Variants in CAMTA1 observed in about 807,000 individuals in gnomAD.
The protein encoded by CAMTA1 is calmodulin binding transcription activator 1, also known as calmodulin-binding transcription activator 1.
CAMTA1 carries 27 observed loss-of-function variants against 170.9 expected under a neutral mutation model. The ratio of observed to expected loss-of-function variants is 0.16; its 90% CI spans 0.12 to 0.22. The LOEUF (loss-of-function observed/expected upper bound fraction) is 0.22, where lower values mean the gene tolerates loss of function less well. Ranked by LOEUF, CAMTA1 falls within the 10% of genes least tolerant of loss-of-function variation. The pLI is 1.00. For missense variants in CAMTA1, 1,619 were observed against 2,217.2 expected (o/e 0.73, Z 5.42); for synonymous variants, 833 against 891.5 (o/e 0.93, Z 1.17).
At chr1:7,278,929 A>G (rs755785787) in intron 5 of CAMTA1, among the ~76,000 whole-genome samples, 1 of 152,182 alleles carries the variant, frequency 6.6e-6, no homozygotes, top group Non-Finnish European at 1.5e-5. Flanking sequence ...GGGATCAGAG[A>G]GAGAAGCTCT....
chr1:6,865,094 C>T (rs1351943357), intron 3 of CAMTA1, among the ~76,000 whole-genome samples: 1 of 152,148 alleles, frequency 6.6e-6, no homozygotes, highest in Non-Finnish European at 1.5e-5. Context: ...TGTGAGCCAC[C>T]GTGCCCAGCC....
rs187794650 is a variant in CAMTA1 at position 7,248,686 on chromosome 1, C to T, written c.303-805C>T. ...TGACCACCGCATCTGCAGATATGCA[C>T]GTCATCAGCCTCTCCTCTCTGTGGT... On this transcript the variant is annotated intron_variant, in intron 4 of 22. Transcript: ENST00000303635. This position sits in a 1 kb window ranked among gnomAD's most constrained non-coding sequence, Gnocchi z 4.0. Among the ~76,000 whole-genome samples, 165 of 152,238 alleles carry T rather than the reference C, an allele frequency of 1.1e-3. 1 individual carries two copies. Among genetic ancestry groups the T allele is most frequent in the Non-Finnish European group, 2.0e-3 (137 of 68,020 alleles).
At chr1:7,619,376 G>A (rs568276570) in intron 6 of CAMTA1, among the ~76,000 whole-genome samples, 34 of 152,290 alleles carry the variant, frequency 2.2e-4, no homozygotes, top group East Asian at 1.4e-3. Flanking sequence ...TGCTGGCTTC[G>A]TGTGCCTCCT....
chr1:7,230,292 G>A (rs1448561221), intron 4 of CAMTA1, among the ~76,000 whole-genome samples: 5 of 152,160 alleles, frequency 3.3e-5, no homozygotes, highest in African/African-American at 4.8e-5. Context: ...GAATGAGGCC[G>A]GGGTCTGGGG....
At chr1:7,135,050 C>T (rs1453652665) in intron 4 of CAMTA1, among the ~76,000 whole-genome samples, 1 of 152,132 alleles carries the variant, frequency 6.6e-6, no homozygotes. Context: ...ATCAAAACCA[C>T]AGTGAGATCC....
At chr1:7,409,860 G>C (rs574774394) in intron 5 of CAMTA1, among the ~76,000 whole-genome samples, 1 of 152,154 alleles carries the variant, frequency 6.6e-6, no homozygotes, top group African/African-American at 2.4e-5. Flanking sequence ...TTTTGGAATC[G>C]GACAAATCAT....
chr1:7,386,577 C>T (rs1008956195), intron 5 of CAMTA1, among the ~76,000 whole-genome samples: 5 of 152,160 alleles, frequency 3.3e-5, no homozygotes, highest in South Asian at 2.1e-4. Flanking sequence ...CCTCCTCCTA[C>T]GCAGCGATGC....
intron 1 of CAMTA1, among the ~76,000 whole-genome samples, chr1:6,819,039 A>G (rs377015756): frequency 1.3e-5 from 2 of 151,626 alleles, no homozygotes; most frequent in East Asian, 3.9e-4. Context: ...TGCAGCCTTA[A>G]AAGTCCTGGG....
chr1:7,638,381 C>T (rs1213438344), intron 6 of CAMTA1, among the ~76,000 whole-genome samples: 1 of 152,162 alleles, frequency 6.6e-6, no homozygotes, highest in Non-Finnish European at 1.5e-5. Context: ...TGGCTCACAC[C>T]GGTAATCCCA....
chr1:7,533,946 G>T (rs184892904), intron 6 of CAMTA1, among the ~76,000 whole-genome samples: 128 of 152,050 alleles, frequency 8.4e-4, no homozygotes, highest in Non-Finnish European at 1.5e-3. Context: ...AAAAGAAAAC[G>T]TCCAGGCTTC....
chr1:7,412,623 T>G (rs2090863667), intron 5 of CAMTA1, among the ~76,000 whole-genome samples: 1 of 152,158 alleles, frequency 6.6e-6, no homozygotes, highest in African/African-American at 2.4e-5. Flanking sequence ...TCTTGTAAAT[T>G]TGTTTGAGTT....
chr1:7,631,365 C>G (rs754337686), intron 6 of CAMTA1, among the ~76,000 whole-genome samples: 31 of 152,298 alleles, frequency 2.0e-4, no homozygotes, highest in Admixed American at 4.6e-4. Flanking sequence ...GGGCAGTGGT[C>G]TGGAGGTGTG....
chr1:6,786,326 C>T (rs1035249810), intron 1 of CAMTA1, among the ~76,000 whole-genome samples: 3 of 152,244 alleles, frequency 2.0e-5, no homozygotes, highest in South Asian at 4.1e-4. Context: ...TACTCTTGCC[C>T]TTGCACCCTC....
At chr1:7,178,001 C>T (rs774440960) in intron 4 of CAMTA1, among the ~76,000 whole-genome samples, 5 of 152,102 alleles carry the variant, frequency 3.3e-5, no homozygotes, top group Non-Finnish European at 7.4e-5. Context: ...GCTCCTCCTA[C>T]ACACTGAGCC....
chr1:7,548,976 G>A (rs1372332849), intron 6 of CAMTA1, among the ~76,000 whole-genome samples: 1 of 142,490 alleles, frequency 7.0e-6, no homozygotes, highest in African/African-American at 2.6e-5. Context: ...GCCCATGGAA[G>A]GTACCCCCTT....
At chr1:7,477,631 A>G (rs2093442444) in intron 6 of CAMTA1, among the ~76,000 whole-genome samples, 1 of 152,194 alleles carries the variant, frequency 6.6e-6, no homozygotes, top group African/African-American at 2.4e-5. Context: ...CTCTCTGAGA[A>G]AAGTCACTGG....
chr1:7,443,480 T>G lies in CAMTA1; in HGVS notation c.439-24350T>G, dbSNP rs150687291. ...GCCCTGGGCATCCGAATCAGCATTTTCTGGAGACTGGCGCCTGGACCACCT... is the reference window on the plus strand; with the variant it reads ...GCCCTGGGCATCCGAATCAGCATTTGCTGGAGACTGGCGCCTGGACCACCT... On this transcript the variant is annotated intron_variant, in intron 5 of 22. Coordinates refer to ENST00000303635, the MANE Select transcript of CAMTA1 (RefSeq NM_015215.4). The surrounding 1 kb of genome is among the most constrained non-coding windows in gnomAD (Gnocchi z 4.1). Among the ~76,000 whole-genome samples the G allele has an allele frequency of 4.4e-3, 664 of 152,302 alleles. 3 individuals carry two copies. Among genetic ancestry groups the G allele is most frequent in the African/African-American group, 0.015 (639 of 41,574 alleles).
chr1:6,979,509 T>C (rs1694053271), intron 3 of CAMTA1, among the ~76,000 whole-genome samples: 1 of 152,210 alleles, frequency 6.6e-6, no homozygotes, highest in African/African-American at 2.4e-5. Context: ...GAGCAGCTTT[T>C]AGAATTTCAA....
intron 3 of CAMTA1, among the ~76,000 whole-genome samples, chr1:7,089,207 C>T (rs989614107): frequency 4.6e-5 from 7 of 152,218 alleles, no homozygotes; most frequent in South Asian, 4.1e-4. Context: ...AGAACTGCCT[C>T]GTGAGCTGAT....
Sources: gnomAD v4.1 joint callset for allele counts (sites outside exome capture counted in the v4.1 genomes callset) on GRCh38, gnomAD v4.1.1 for gene constraint, Gnocchi (gnomAD v3.1) non-coding constraint, MANE v1.5 for transcripts, NCBI Gene and HGNC (gene_info 2026-07-23, HGNC 2026-07-21) for gene names.